The following PCSK5 variants were observed in gnomAD, a reference collection of about 807,000 sequenced individuals.
PCSK5 encodes the protein prohormone convertase 5.
In PCSK5, 129 loss-of-function variants were observed where a neutral mutation model predicts 233.2. The observed-to-expected ratio is 0.55, with a 90% CI of 0.48 to 0.64. The LOEUF (loss-of-function observed/expected upper bound fraction) is 0.64, where lower values mean the gene tolerates loss of function less well. Among genes scored for constraint, PCSK5 ranks in the 30% least tolerant of loss-of-function variants. The pLI is 0.00. For synonymous variants in PCSK5, 825 were observed against 879.2 expected, an observed-to-expected ratio of 0.94 and a Z score of 1.09; for missense variants, 2,076 against 2,430.1, an observed-to-expected ratio of 0.85 and a Z score of 3.06.
intron 2 of PCSK5, among the ~76,000 whole-genome samples, chr9:75,961,603 T>G (rs1825357821): frequency 6.6e-6 from 1 of 152,220 alleles, no homozygotes; most frequent in Non-Finnish European, 1.5e-5. Flanking sequence ...TGATATGATT[T>G]GGGTATATGA....
intron 3 of PCSK5, 40 bp from the exon 4 acceptor site, chr9:76,023,698 C>T: frequency 6.5e-7 from 1 of 1,538,400 alleles, no homozygotes; most frequent in Non-Finnish European, 8.8e-7. Context: ...TCCATTTCCT[C>T]ACTATTTAGT....
chr9:75,948,446 A>T (rs1824686628), intron 2 of PCSK5, among the ~76,000 whole-genome samples: 1 of 151,734 alleles, frequency 6.6e-6, no homozygotes, highest in African/African-American at 2.4e-5. Context: ...GCTTAGAATG[A>T]TGGTTTCCAG....
At chr9:76,216,455 C>T (rs1271182298) in intron 20 of PCSK5, among the ~76,000 whole-genome samples, 2 of 152,190 alleles carry the variant, frequency 1.3e-5, no homozygotes, top group East Asian at 3.8e-4. Context: ...TTCCTGACCA[C>T]TGTGCTAAGA....
chr9:75,899,038 T>C (rs1587329149), intron 1 of PCSK5, among the ~76,000 whole-genome samples: 1 of 152,168 alleles, frequency 6.6e-6, no homozygotes, highest in Admixed American at 6.5e-5. Flanking sequence ...TGATTATTGG[T>C]AATGGAAACA....
intron 3 of PCSK5, among the ~76,000 whole-genome samples, chr9:75,998,040 A>G (rs1827097510): frequency 6.6e-6 from 1 of 152,208 alleles, no homozygotes; most frequent in Non-Finnish European, 1.5e-5. Context: ...CAGGTAGCAC[A>G]GAACTGTGTT....
At chr9:76,159,897 A>G (rs1279911567) in intron 12 of PCSK5, among the ~76,000 whole-genome samples, 1 of 133,038 alleles carries the variant, frequency 7.5e-6, no homozygotes, top group Non-Finnish European at 1.5e-5. Flanking sequence ...ATCTCGGCTC[A>G]CTGCAGTCAT....
At chr9:76,281,287 G>A (rs115541607) in intron 24 of PCSK5, among the ~76,000 whole-genome samples, 3,305 of 152,290 alleles carry the variant, frequency 0.022, 122 homozygotes, top group African/African-American at 0.075. Flanking sequence ...AGTCTCAAAG[G>A]ACAGGCTGAC....
At chr9:76,339,855 T>A (rs1158977163) in intron 35 of PCSK5, among the ~76,000 whole-genome samples, 1 of 152,178 alleles carries the variant, frequency 6.6e-6, no homozygotes, top group Non-Finnish European at 1.5e-5. Context: ...TAAATGTTTT[T>A]ATATTTAAAA....
chr9:76,109,001 A>C (rs1832096047), intron 9 of PCSK5, among the ~76,000 whole-genome samples: 1 of 152,224 alleles, frequency 6.6e-6, no homozygotes, highest in Non-Finnish European at 1.5e-5. Flanking sequence ...CCAAGCTCCC[A>C]TGAATATTTG....
intron 28 of PCSK5, among the ~76,000 whole-genome samples, chr9:76,302,959 C>CTTTT (rs10552673): frequency 6.7e-4 from 59 of 87,464 alleles, no homozygotes; most frequent in South Asian, 9.8e-4. Flanking sequence ...CAAAGTGGTT[C>CTTTT]TTTTTTTTTT....
At chr9:76,026,810 A>G (rs1450027970) in intron 4 of PCSK5, 151 bp from the exon 5 acceptor site, 3 of 537,388 alleles carry the variant, frequency 5.6e-6, no homozygotes, top group Non-Finnish European at 1.0e-5. Context: ...TCCCTAAGGC[A>G]TCCTGACACC....
intron 1 of PCSK5, among the ~76,000 whole-genome samples, chr9:75,925,533 T>C (rs1342167914): frequency 6.6e-6 from 1 of 152,166 alleles, no homozygotes; most frequent in African/African-American, 2.4e-5. Context: ...AAATGGGTCA[T>C]GTAAGTGTTA....
intron 5 of PCSK5, among the ~76,000 whole-genome samples, chr9:76,047,307 G>A (rs2377427): frequency 0.099 from 14,951 of 151,348 alleles, 2,333 homozygotes; most frequent in African/African-American, 0.33. Context: ...CGTGTTAGCC[G>A]GGATAGTCTC....
At chr9:76,268,586 A>G (rs1485052399) in intron 24 of PCSK5, among the ~76,000 whole-genome samples, 1 of 152,220 alleles carries the variant, frequency 6.6e-6, no homozygotes, top group African/African-American at 2.4e-5. Flanking sequence ...GCTCATGCCT[A>G]TAATCCCAAC....
chr9:76,188,707 C>T (rs775326897), intron 18 of PCSK5, 32 bp downstream of exon 18: 20 of 1,530,514 alleles, frequency 1.3e-5, no homozygotes, highest in South Asian at 5.6e-5. Context: ...TTTATTCTCC[C>T]GGTTCTGGTT....
At chr9:75,924,789 C>T (rs1823407562) in intron 1 of PCSK5, among the ~76,000 whole-genome samples, 1 of 152,136 alleles carries the variant, frequency 6.6e-6, no homozygotes, top group Non-Finnish European at 1.5e-5. Context: ...GTTTTAAGTT[C>T]ATCCTTAGAA....
chr9:76,116,999 TTAAACTC>T (rs67895676), intron 9 of PCSK5, among the ~76,000 whole-genome samples: 62,882 of 151,432 alleles, frequency 0.42, 13,795 homozygotes, highest in Admixed American at 0.48. Flanking sequence ...GCCAACAAGT[TTAAACTC>T]TAAATCTTGA....
At chr9:76,232,224 CA>C (rs1826113831) in intron 21 of PCSK5, among the ~76,000 whole-genome samples, 1 of 152,190 alleles carries the variant, frequency 6.6e-6, no homozygotes, top group Non-Finnish European at 1.5e-5. Context: ...TGGTGTCCAG[CA>C]TAAGTGGAGA....
intron 24 of PCSK5, among the ~76,000 whole-genome samples, chr9:76,272,365 T>C (rs1827541457): frequency 6.6e-6 from 1 of 152,086 alleles, no homozygotes; most frequent in African/African-American, 2.4e-5. Flanking sequence ...CTTCTTCTAT[T>C]CTCTCATTTT....
Sources: allele counts gnomAD v4.1 joint callset (sites outside exome capture counted in the v4.1 genomes callset), GRCh38; gene constraint gnomAD v4.1.1; transcripts MANE v1.5; gene names NCBI Gene and HGNC (gene_info 2026-07-23, HGNC 2026-07-21).